PLA2G4D: variants seen among roughly 807,000 people sequenced by gnomAD.
The protein encoded by PLA2G4D is phospholipase A2 group IVD.
In PLA2G4D, 80 loss-of-function variants were observed where a neutral mutation model predicts 94.4. That is an observed-to-expected ratio of 0.85 (90% CI 0.71 to 1.02). The LOEUF (loss-of-function observed/expected upper bound fraction) is 1.02, where lower values mean the gene tolerates loss of function less well. Ranked by LOEUF, PLA2G4D falls within the 50% of genes least tolerant of loss-of-function variation. The probability of loss-of-function intolerance (pLI) is 0.00; values close to 1 mark genes in which losing one functional copy is unlikely to be tolerated. For missense variants in PLA2G4D, 1,050 were observed against 1,034.7 expected (o/e 1.01, Z -0.20); for synonymous variants, 438 against 440.9 (o/e 0.99, Z 0.08).
At chr15:42,074,026 G>A (rs1668571) in intron 13 of PLA2G4D, among the ~76,000 whole-genome samples, 96,968 of 152,094 alleles carry the variant, frequency 0.64, 31,141 homozygotes, top group Admixed American at 0.68. Flanking sequence ...GTGTACGTAC[G>A]AGTCAGTCCT....
rs1460992954 is a variant in PLA2G4D at position 42,081,603 on chromosome 15, A to C, written c.833T>G (p.Leu278Arg). Residue 278 changes from leucine (L) to arginine (R), a missense_variant, in exon 11 of 20, where the codon CTG becomes CGG. Physicochemically the swap from Leu to Arg is moderately radical, Grantham distance 102 (BLOSUM62 -2). Coordinates refer to ENST00000290472, the MANE Select transcript of PLA2G4D (RefSeq NM_178034.4). ...GAGATTGAAGCCCAGGTGCACGGCC[A>C]GCTCCTCAGGGCTGTGGCAATGGAG... Reference protein sequence around the residue: ...QLKAEGCPEELAVHLGFNLCA... With the variant: ...QLKAEGCPEERAVHLGFNLCA... 6.2e-7 allele frequency: 1 copy of C among 1,614,114 alleles called. No individual in the cohort carries two copies.
rs1448397660 is a variant in PLA2G4D, at chr15:42,083,292, T to C, written c.578A>G (p.Tyr193Cys). 3 of 1,613,972 alleles carry C rather than the reference T, an allele frequency of 1.9e-6. No individual in the cohort carries two copies. Among genetic ancestry groups the C allele is most frequent in the African/African-American group, 2.7e-5 (2 of 74,916 alleles). Reference sequence around the variant, plus strand: ...CAGGAAGGATGTCTGTGTGTCCTCATAGGACCCCTTCAGCACCAGCTCCAG... The same window carrying C: ...CAGGAAGGATGTCTGTGTGTCCTCACAGGACCCCTTCAGCACCAGCTCCAG... ...LELELVLKGSYEDTQTSFLGT... is the reference protein window; with the variant it reads ...LELELVLKGSCEDTQTSFLGT... Residue 193 changes from tyrosine to cysteine, a missense_variant, in exon 8 of 20, where the codon TAT becomes TGT. By Grantham distance (194) the Tyr-to-Cys change is radical. Coordinates refer to ENST00000290472, the MANE Select transcript of PLA2G4D (RefSeq NM_178034.4).
chr15:42,087,725 G>A (rs1033552369), intron 1 of PLA2G4D, 25 bp from the exon 2 acceptor site: 4 of 1,610,986 alleles, frequency 2.5e-6, no homozygotes, highest in Admixed American at 3.3e-5. Context: ...AAACTCCAGA[G>A]TCCTTCCTGC....
rs564862434 is a variant in PLA2G4D at position 42,070,067 on chromosome 15, C to T, written c.2072G>A (p.Arg691Gln). The T allele has an allele frequency of 2.0e-5, 30 of 1,521,304 alleles. No homozygotes were observed. The highest frequency in any genetic ancestry group is 1.6e-4 in the South Asian group (13 of 79,620). The allele number at this position is 1,521,304 out of a possible 1,614,324, so 94.2% of individuals were successfully genotyped here. A position where few individuals can be genotyped will look rare whatever the true frequency, so the allele number is the denominator to read the frequency against. The change falls in exon 19 of 20, where the codon CGG (arginine) becomes CAG (glutamine). Residue 691 changes from arginine to glutamine, a missense_variant. By Grantham distance (43) the Arg-to-Gln change is conservative (BLOSUM62 1). Coordinates refer to ENST00000290472, the MANE Select transcript of PLA2G4D (RefSeq NM_178034.4). ...EALQQTELYC[R>Q]ARGLPFPRVE... is the part of the protein sequence containing the mutation. Reference sequence around the variant, plus strand: ...CCGGGGGAAGGGCAGCCCCCGGGCCCGGCAGTACAGCTCCGTCTGCTGCAG... The same window carrying T: ...CCGGGGGAAGGGCAGCCCCCGGGCCTGGCAGTACAGCTCCGTCTGCTGCAG...
In PLA2G4D at chr15:42,068,723, G is replaced by A. The variant is rs756368840; in HGVS notation, c.2449C>T (p.Gln817Ter). The change falls in exon 20 of 20, where the codon CAG becomes TAG. Residue 817 changes from glutamine to a stop codon, truncating the protein, a stop_gained. Coordinates refer to ENST00000290472, the MANE Select transcript of PLA2G4D (RefSeq NM_178034.4). LOFTEE classifies it high-confidence loss of function. ...RTLEARPPRAQT is the reference protein window; with the variant it reads ...RTLEARPPRA Reference sequence around the variant, plus strand: ...GCAGCCTCTGAGCAACCTCAGGTCTGTGCCCTTGGAGGCCTCGCCTCTAGA... The same window carrying A: ...GCAGCCTCTGAGCAACCTCAGGTCTATGCCCTTGGAGGCCTCGCCTCTAGA... 7.5e-6 allele frequency: 12 copies of A among 1,604,972 alleles called. No homozygotes were observed. In the East Asian group the frequency reaches 2.0e-4, roughly 27 times the overall value.
chr15:42,088,077 G>A (rs777590967), intron 1 of PLA2G4D, among the ~76,000 whole-genome samples: 4 of 152,196 alleles, frequency 2.6e-5, no homozygotes, highest in Non-Finnish European at 4.4e-5. Context: ...CAGCCCTTTG[G>A]CAAAACAAGG....
Position 42,082,380 on chromosome 15 carries a change from T to A in PLA2G4D, c.682A>T (p.Ser228Cys), listed in dbSNP as rs1205119126. The A allele has an allele frequency of 1.2e-6, 2 of 1,613,746 alleles. No individual in the cohort carries two copies. Among genetic ancestry groups the A allele is most frequent in the Non-Finnish European group, 1.7e-6 (2 of 1,179,766 alleles). Reference sequence around the variant, plus strand: ...GAGTTGTCCCCATTCCAGCCATTGCTTCTGGAGCTCTGAAGGGAAAGCATC... The same window carrying A: ...GAGTTGTCCCCATTCCAGCCATTGCATCTGGAGCTCTGAAGGGAAAGCATC... ...ELSGRLRSSR[S>C]NGWNGDNSAG... The change falls in exon 9 of 20, where the codon AGC (serine) becomes TGC (cysteine). Residue 228 changes from serine to cysteine, a missense_variant. Ser to Cys is a moderately radical substitution (Grantham distance 112, BLOSUM62 -1). Transcript: ENST00000290472.
intron 18 of PLA2G4D, 136 bp downstream of exon 18, chr15:42,070,581 C>G: frequency 8.8e-7 from 1 of 1,130,770 alleles, no homozygotes; most frequent in Non-Finnish European, 1.2e-6. Flanking sequence ...TGGCAGGAGC[C>G]AGCAGATCAA....
Position 42,084,352 on chromosome 15 carries a change from T to C in PLA2G4D, c.472-573A>G, listed in dbSNP as rs1444474044. On this transcript the variant is annotated intron_variant, in intron 6 of 19. Transcript: ENST00000290472. This position sits in a 1 kb window ranked among gnomAD's most constrained non-coding sequence, Gnocchi z 4.8. ...TCACTGAATTTGCCCACCTGCTGTG[T>C]GTCTCCATCACCTCCTAAGAGGCAG... Among the ~76,000 whole-genome samples the C allele has an allele frequency of 6.6e-6, 1 of 152,168 alleles. No individual in the cohort carries two copies. Among genetic ancestry groups the C allele is most frequent in the African/African-American group, 2.4e-5 (1 of 41,454 alleles).
intron 1 of PLA2G4D, among the ~76,000 whole-genome samples, chr15:42,092,933 C>T (rs539283867): frequency 6.6e-5 from 10 of 152,342 alleles, no homozygotes; most frequent in African/African-American, 2.4e-4. Context: ...CGTCTGCTGG[C>T]ACTGGCGCCC....
At chr15:42,071,655 T>TAC in intron 15 of PLA2G4D, 104 bp from the exon 16 acceptor site, 2 of 1,178,964 alleles carry the variant, frequency 1.7e-6, no homozygotes, top group Non-Finnish European at 2.4e-6. Context: ...CTACAATGCA[T>TAC]CCCCCCCGCC....
At chr15:42,086,590 G>A (rs1890154480) in intron 3 of PLA2G4D, among the ~76,000 whole-genome samples, 1 of 152,096 alleles carries the variant, frequency 6.6e-6, no homozygotes, top group Non-Finnish European at 1.5e-5. Flanking sequence ...GGTGGCTCAT[G>A]CCTGTTATCC....
chr15:42,092,792 C>T (rs1007834096), intron 1 of PLA2G4D, among the ~76,000 whole-genome samples: 3 of 152,208 alleles, frequency 2.0e-5, no homozygotes, highest in Non-Finnish European at 4.4e-5. Context: ...TGTGCTGCCC[C>T]GTGCCCATCT....
chr15:42,081,825 C>A lies in PLA2G4D; in HGVS notation c.793G>T (p.Val265Leu), dbSNP rs753177642. 2 of 1,614,100 alleles carry A rather than the reference C, an allele frequency of 1.2e-6. No homozygotes were observed. Among genetic ancestry groups the A allele is most frequent in the African/African-American group, 2.7e-5 (2 of 74,918 alleles). The change falls in exon 10 of 20, where the codon GTG becomes TTG. Residue 265 changes from valine (V) to leucine (L), a missense_variant. Physicochemically the swap from Val to Leu is conservative, Grantham distance 32 (BLOSUM62 1). Transcript: ENST00000290472. The stretch of plus-strand genomic sequence containing the variant: ...CCCTCTGCCTTGAGCTGCAGCCTCA[C>A]TCCTGGGGCCTGAAATCAAAGCCAG... The part of the protein sequence containing the change: ...MDVPAPNAPG[V>L]RLQLKAEGCP...
At position 42,068,106 on chromosome 15, in the gene PLA2G4D, T is replaced by G. The variant is rs1460853168; in HGVS notation, c.*609A>C. The stretch of plus-strand genomic sequence containing the variant: ...TTCAGCAAGATTGCGGAATACAAGA[T>G]CAACATTTAAAAATCCATTGTATTT... On this transcript the variant is annotated 3_prime_UTR_variant, in exon 20 of 20. Coordinates refer to ENST00000290472, the MANE Select transcript of PLA2G4D (RefSeq NM_178034.4). The G allele has an allele frequency of 2.0e-5, 3 of 152,252 alleles. No homozygotes were observed. The highest frequency in any genetic ancestry group is 4.8e-5 in the African/African-American group (2 of 41,448). 9.4% of individuals were successfully genotyped at this position (152,252 alleles called of 1,614,324 possible).
rs55936516 is a variant in PLA2G4D, at chr15:42,068,009, A to T, written c.*706T>A. On this transcript the variant is annotated 3_prime_UTR_variant, in exon 20 of 20. Transcript: ENST00000290472. ...GACAGGAAGAAGTAAAACCATCTCTATTTGGAGATGGCATGATCTGTCTAC... is the reference window on the plus strand; with the variant it reads ...GACAGGAAGAAGTAAAACCATCTCTTTTTGGAGATGGCATGATCTGTCTAC... 2 of 152,200 alleles carry T rather than the reference A, an allele frequency of 1.3e-5. No homozygotes were observed. Among genetic ancestry groups the T allele is most frequent in the African/African-American group, 2.4e-5 (1 of 41,436 alleles). 9.4% of individuals were successfully genotyped at this position (152,200 alleles called of 1,614,324 possible). A position where few individuals can be genotyped will look rare whatever the true frequency, so the allele number is the denominator to read the frequency against.
At chr15:42,070,959 C>A in intron 17 of PLA2G4D, 76 bp from the exon 18 acceptor site, 1 of 1,545,536 alleles carries the variant, frequency 6.5e-7, no homozygotes, top group Non-Finnish European at 8.7e-7. Context: ...TCCTCTGGGT[C>A]ACTCCTTAAA....
chr15:42,083,867 A>G, intron 6 of PLA2G4D, 88 bp from the exon 7 acceptor site: 1 of 1,314,452 alleles, frequency 7.6e-7, no homozygotes, highest in Non-Finnish European at 1.1e-6. Context: ...ACTGTCCCAA[A>G]TCCACCACAC....
intron 1 of PLA2G4D, among the ~76,000 whole-genome samples, chr15:42,089,328 C>A (rs185802205): frequency 6.6e-6 from 1 of 152,222 alleles, no homozygotes; most frequent in East Asian, 1.9e-4. Flanking sequence ...GGACCTGAAT[C>A]TCCACTCCCC....
Sources: allele counts gnomAD v4.1 joint callset (sites outside exome capture counted in the v4.1 genomes callset), GRCh38; gene constraint gnomAD v4.1.1; non-coding constraint Gnocchi (gnomAD v3.1); transcripts MANE v1.5; gene names NCBI Gene and HGNC (gene_info 2026-07-23, HGNC 2026-07-21).